Variants in DNAAF3 observed in about 807,000 individuals in gnomAD.
The protein encoded by DNAAF3 is dynein axonemal assembly factor 3, also known as UPF0470 protein C19orf51.
In DNAAF3, 40 loss-of-function variants were observed where a neutral mutation model predicts 50.9. The ratio of observed to expected loss-of-function variants is 0.79; its 90% confidence interval spans 0.61 to 1.02. The LOEUF is 1.02. Among genes scored for constraint, DNAAF3 ranks in the 50% least tolerant of loss-of-function variants. The pLI, the probability that DNAAF3 is intolerant of heterozygous loss-of-function variation, is 0.00. For synonymous variants in DNAAF3, 327 were observed against 322.8 expected, an observed-to-expected ratio of 1.01 and a Z score of -0.14; for missense variants, 763 against 744.7, an observed-to-expected ratio of 1.02 and a Z score of -0.29.
In DNAAF3 at chr19:55,159,205, G is replaced by A. The variant is rs746397485; in HGVS notation, c.1483C>T (p.Gln495Ter). The change falls in exon 12 of 12, where the codon CAG (glutamine) becomes TAG (stop). Residue 495 changes from glutamine (Q) to a stop codon, truncating the protein, a stop_gained. Transcript: ENST00000524407. LOFTEE classifies it low-confidence loss of function (END_TRUNC). ...ASNPALEGLT[Q>*]PLQGGTPHCE... ...TGTGGGGTCCCACCCTGCAGAGGCTGGGTCAGGCCCTCAAGGGCTGGGTTG... is the reference window on the plus strand; with the variant it reads ...TGTGGGGTCCCACCCTGCAGAGGCTAGGTCAGGCCCTCAAGGGCTGGGTTG... The A allele has an allele frequency of 2.5e-6, 4 of 1,613,812 alleles. No individual in the cohort carries two copies.
chr19:55,161,816 G>T lies in DNAAF3; in HGVS notation c.490C>A (p.Arg164=), dbSNP rs763784422. 5 of 1,440,072 alleles carry T rather than the reference G, an allele frequency of 3.5e-6. No homozygotes were observed. Among genetic ancestry groups the T allele is most frequent in the Non-Finnish European group, 4.6e-6 (5 of 1,098,024 alleles). The allele number at this position is 1,440,072 out of a possible 1,614,324, so 89.2% of individuals were successfully genotyped here. The change falls in exon 6 of 12, where the codon CGG becomes AGG. Residue 164 remains arginine, a synonymous_variant. Coordinates refer to ENST00000524407, the MANE Select transcript of DNAAF3 (RefSeq NM_001256715.2). The surrounding 1 kb of genome is among the most constrained non-coding windows in gnomAD (Gnocchi z 6.4). The stretch of plus-strand genomic sequence containing the variant: ...CGGAATACGGCCTCCAGGGCATCCC[G>T]CTCGCGGAACTGCGGGGCCAGGCAC... ...LSLRALKFRE[R]DALEAVFRFW...
rs752765894 is a variant in DNAAF3, at chr19:55,160,051, G to C, written c.1049-38C>G. 2.1e-6 allele frequency: 3 copies of C among 1,419,472 alleles called. No individual in the cohort carries two copies. The allele number at this position is 1,419,472 out of a possible 1,614,324, so 87.9% of individuals were successfully genotyped here. ...GATAGAGGGGTCACCTCTGACAGGC[G>C]GAGCCATAAGGGCGGAAAACCAGAG... On this transcript the variant is annotated intron_variant, in intron 9 of 11. Coordinates refer to ENST00000524407, the MANE Select transcript of DNAAF3 (RefSeq NM_001256715.2). This position sits in a 1 kb window ranked among gnomAD's most constrained non-coding sequence, Gnocchi z 4.7.
At chr19:55,165,517 GGA>G in intron 3 of DNAAF3, 54 bp from the exon 4 acceptor site, 1 of 1,556,456 alleles carries the variant, frequency 6.4e-7, no homozygotes, top group South Asian at 1.1e-5. Context: ...CTGGGTCCTA[GGA>G]GACCCAGGAG....
chr19:55,160,986 C>T lies in DNAAF3; in HGVS notation c.912+79G>A. ...GCGGGGTCTGGAGCTGGGGGCGGGG[C>T]CTGCTGTGGGGGCGGGGCCTTGCGC... On this transcript the variant is annotated intron_variant, in intron 8 of 11. Coordinates refer to ENST00000524407, the MANE Select transcript of DNAAF3 (RefSeq NM_001256715.2). This position sits in a 1 kb window ranked among gnomAD's most constrained non-coding sequence, Gnocchi z 4.7. The T allele has an allele frequency of 1.4e-6, 2 of 1,472,646 alleles. No homozygotes were observed. Among genetic ancestry groups the T allele is most frequent in the Non-Finnish European group, 1.8e-6 (2 of 1,114,722 alleles). The allele number at this position is 1,472,646 out of a possible 1,614,324, so 91.2% of individuals were successfully genotyped here.
At position 55,160,982 on chromosome 19, in the gene DNAAF3, G is replaced by T; in HGVS notation, c.912+83C>A. 1 of 1,469,374 alleles carries T rather than the reference G, an allele frequency of 6.8e-7. No homozygotes were observed. The highest frequency in any genetic ancestry group is 1.3e-5 in the South Asian group (1 of 74,278). 91.0% of individuals were successfully genotyped at this position (1,469,374 alleles called of 1,614,324 possible). A position where few individuals can be genotyped will look rare whatever the true frequency, so the allele number is the denominator to read the frequency against. ...ACGGGCGGGGTCTGGAGCTGGGGGC[G>T]GGGCCTGCTGTGGGGGCGGGGCCTT... On this transcript the variant is annotated intron_variant, in intron 8 of 11. Coordinates refer to ENST00000524407, the MANE Select transcript of DNAAF3 (RefSeq NM_001256715.2). This position sits in a 1 kb window ranked among gnomAD's most constrained non-coding sequence, Gnocchi z 4.7.
intron 5 of DNAAF3, 102 bp downstream of exon 5, chr19:55,162,031 C>G (rs573343395): frequency 3.0e-6 from 4 of 1,333,856 alleles, no homozygotes; most frequent in Non-Finnish European, 3.8e-6. Context: ...GGATTCGAAC[C>G]CCCTAGCCCG....
Position 55,160,867 on chromosome 19 carries a change from C to A in DNAAF3, c.913-92G>T. On this transcript the variant is annotated intron_variant, in intron 8 of 11. Transcript: ENST00000524407. The surrounding 1 kb of genome is among the most constrained non-coding windows in gnomAD (Gnocchi z 4.7). ...GAGTCCTCGGTCCAGGACTAGAACT[C>A]CCGCAGCTGCTTGGAGGATGTGAAG... 2 of 1,504,792 alleles carry A rather than the reference C, an allele frequency of 1.3e-6. No individual in the cohort carries two copies. Among genetic ancestry groups the A allele is most frequent in the Non-Finnish European group, 1.8e-6 (2 of 1,134,066 alleles). 93.2% of individuals were successfully genotyped at this position (1,504,792 alleles called of 1,614,324 possible).
At chr19:55,165,339 C>A in intron 4 of DNAAF3, 31 bp downstream of exon 4, 1 of 1,594,358 alleles carries the variant, frequency 6.3e-7, no homozygotes, top group Non-Finnish European at 8.6e-7. Flanking sequence ...AGGAGACCAG[C>A]GGTCAGAATG....
chr19:55,159,311 T>C lies in DNAAF3; in HGVS notation c.1377A>G (p.Glu459=), dbSNP rs372161739. The change falls in exon 12 of 12, where the codon GAA becomes GAG. Residue 459 remains glutamate, a synonymous_variant. Transcript: ENST00000524407. ...CTGGGACAGTGTTGCCCAGAGCTGA[T>C]TCCTGGGACTTGCAGAAACGTGCGA... ...ETFARFCKSQ[E]SALGNTVPAV... is the part of the protein sequence containing the mutation. 3.1e-6 allele frequency: 5 copies of C among 1,614,026 alleles called. No homozygotes were observed. The African/African-American group carries it at 6.7e-5, about 22-fold the overall frequency.
At chr19:55,163,813 T>G (rs2085887890) in intron 4 of DNAAF3, among the ~76,000 whole-genome samples, 1 of 152,232 alleles carries the variant, frequency 6.6e-6, no homozygotes, top group Non-Finnish European at 1.5e-5. Flanking sequence ...TCTAACTGTT[T>G]AAGAACTTTG....
At chr19:55,166,660 C>A (rs1218082355), upstream of DNAAF3, 1 of 1,607,624 alleles carries the variant, frequency 6.2e-7, no homozygotes, top group Non-Finnish European at 8.5e-7. This position sits in a 1 kb window ranked among gnomAD's most constrained non-coding sequence, Gnocchi z 4.0. Flanking sequence ...TGGGATGGGA[C>A]CACAGCGAGC....
In DNAAF3 at chr19:55,159,934, G is replaced by A; in HGVS notation, c.1128C>T (p.Tyr376=). The A allele has an allele frequency of 6.2e-7, 1 of 1,613,674 alleles. No individual in the cohort carries two copies. The highest frequency in any genetic ancestry group is 8.5e-7 in the Non-Finnish European group (1 of 1,179,848). The change falls in exon 10 of 12, where the codon TAC becomes TAT. Residue 376 remains tyrosine, a synonymous_variant. Coordinates refer to ENST00000524407, the MANE Select transcript of DNAAF3 (RefSeq NM_001256715.2). ...SAQTLHHKSC[Y]NGRFQLLYVA... Reference sequence around the variant, plus strand: ...CATAGAGGAGCTGGAATCGGCCGTTGTAGCAGCTCTTGTGGTGGAGAGTCT... The same window carrying A: ...CATAGAGGAGCTGGAATCGGCCGTTATAGCAGCTCTTGTGGTGGAGAGTCT...
At position 55,158,918 on chromosome 19, in the gene DNAAF3, C is replaced by T. The variant is rs2085766206; in HGVS notation, c.*144G>A. The T allele has an allele frequency of 2.4e-6, 2 of 848,752 alleles. No individual in the cohort carries two copies. Among genetic ancestry groups the T allele is most frequent in the Middle Eastern group, 7.2e-4 (2 of 2,772 alleles). The allele number at this position is 848,752 out of a possible 1,614,324, so 52.6% of individuals were successfully genotyped here. On this transcript the variant is annotated 3_prime_UTR_variant, in exon 12 of 12. Coordinates refer to ENST00000524407, the MANE Select transcript of DNAAF3 (RefSeq NM_001256715.2). ...TGGAATTTGAAAGTCTACCAACACT[C>T]CCGGGGTGGGGGTGGCGGGTACTGA... is the stretch of plus-strand genomic sequence containing the variant.
chr19:55,162,852 C>G lies in DNAAF3; in HGVS notation c.323-562G>C, dbSNP rs561191290. 12 of 231,808 alleles carry G rather than the reference C, an allele frequency of 5.2e-5. No individual in the cohort carries two copies. The Admixed American group carries it at 7.2e-4, about 14-fold the overall frequency. The allele number at this position is 231,808 out of a possible 1,614,324, so 14.4% of individuals were successfully genotyped here. On this transcript the variant is annotated intron_variant, in intron 4 of 11. Transcript: ENST00000524407. ...ACAGTGTCTCACTCTGTTGCCCAGG[C>G]TGAATGCAGTTGTGCCATCATAGTT...
In DNAAF3 at chr19:55,161,404, G is replaced by T. The variant is rs1430003811; in HGVS notation, c.678C>A (p.His226Gln). The T allele has an allele frequency of 4.7e-6, 5 of 1,062,662 alleles. No individual in the cohort carries two copies. Among genetic ancestry groups the T allele is most frequent in the Middle Eastern group, 2.6e-4 (1 of 3,864 alleles). The allele number at this position is 1,062,662 out of a possible 1,614,324, so 65.8% of individuals were successfully genotyped here. The change falls in exon 7 of 12, where the codon CAC (histidine) becomes CAA (glutamine). Residue 226 changes from histidine to glutamine, a missense_variant. His to Gln is a conservative substitution (Grantham distance 24). Coordinates refer to ENST00000524407, the MANE Select transcript of DNAAF3 (RefSeq NM_001256715.2). The surrounding 1 kb of genome is among the most constrained non-coding windows in gnomAD (Gnocchi z 6.4). ...KLHDRGAQVIHPQEFRRWRDT... is the reference protein window; with the variant it reads ...KLHDRGAQVIQPQEFRRWRDT... ...CCCGCCAGCGTCGGAACTCCTGGGG[G>T]TGAATGACTTGAGCCTGGGGTGGGG...
Position 55,160,744 on chromosome 19 carries a change from G to A in DNAAF3, c.944C>T (p.Thr315Met), listed in dbSNP as rs758103289. The part of the protein sequence containing the change: ...TAGEITQHNV[T>M]ELLRDVAAWG... ...GGCGGCCACGTCGCGGAGCAGCTCC[G>A]TCACGTTGTGTTGAGTGATCTCCCC... The change falls in exon 9 of 12, where the codon ACG (threonine) becomes ATG (methionine). Residue 315 changes from threonine to methionine, a missense_variant. Thr to Met is a moderately conservative substitution (Grantham distance 81). Coordinates refer to ENST00000524407, the MANE Select transcript of DNAAF3 (RefSeq NM_001256715.2). This position sits in a 1 kb window ranked among gnomAD's most constrained non-coding sequence, Gnocchi z 4.7. 5.0e-5 allele frequency: 81 copies of A among 1,612,246 alleles called. No individual in the cohort carries two copies. In the Middle Eastern group the frequency reaches 6.6e-4, roughly 13 times the overall value.
Position 55,166,239 on chromosome 19 carries a change from C to T in DNAAF3, c.85+90G>A. The T allele has an allele frequency of 1.9e-6, 3 of 1,554,044 alleles. No homozygotes were observed. The highest frequency in any genetic ancestry group is 1.4e-5 in the African/African-American group (1 of 73,204). On this transcript the variant is annotated intron_variant, in intron 2 of 11. Coordinates refer to ENST00000524407, the MANE Select transcript of DNAAF3 (RefSeq NM_001256715.2). The surrounding 1 kb of genome is among the most constrained non-coding windows in gnomAD (Gnocchi z 4.0). ...TTGGAGAACGTTAGCGCCCCCCTTG[C>T]CACCGACGCTGGGACTACGAGCTCT...
Position 55,160,850 on chromosome 19 carries a change from G to C in DNAAF3, c.913-75C>G. 5 of 1,540,444 alleles carry C rather than the reference G, an allele frequency of 3.2e-6. No individual in the cohort carries two copies. Among genetic ancestry groups the C allele is most frequent in the Non-Finnish European group, 3.5e-6 (4 of 1,153,174 alleles). On this transcript the variant is annotated intron_variant, in intron 8 of 11. Coordinates refer to ENST00000524407, the MANE Select transcript of DNAAF3 (RefSeq NM_001256715.2). The surrounding 1 kb of genome is among the most constrained non-coding windows in gnomAD (Gnocchi z 4.7). ...GGGGCTTAGAACGCTGGGAGTCCTC[G>C]GTCCAGGACTAGAACTCCCGCAGCT...
At position 55,166,074 on chromosome 19, in the gene DNAAF3, T is replaced by C; in HGVS notation, c.86-74A>G. The C allele has an allele frequency of 6.2e-7, 1 of 1,611,778 alleles. No individual in the cohort carries two copies. Among genetic ancestry groups the C allele is most frequent in the Non-Finnish European group, 8.5e-7 (1 of 1,179,072 alleles). On this transcript the variant is annotated intron_variant, in intron 2 of 11. Transcript: ENST00000524407. The surrounding 1 kb of genome is among the most constrained non-coding windows in gnomAD (Gnocchi z 4.0). ...CCACCGTAGCATCCCCTATAAAAAA[T>C]GGACTACAAATCCCAGTAGGCGTTC...
Sources: gnomAD v4.1 joint callset for allele counts (sites outside exome capture counted in the v4.1 genomes callset) on GRCh38, gnomAD v4.1.1 for gene constraint, Gnocchi (gnomAD v3.1) non-coding constraint, MANE v1.5 for transcripts, NCBI Gene and HGNC (gene_info 2026-07-23, HGNC 2026-07-21) for gene names.